The following SLC25A25 variants were observed in gnomAD, a reference collection of about 807,000 sequenced individuals.
The protein encoded by SLC25A25 is mitochondrial adenyl nucleotide antiporter SLC25A25.
SLC25A25 carries 32 observed loss-of-function variants against 57.7 expected under a neutral mutation model. The observed-to-expected ratio is 0.55, with a 90% CI of 0.42 to 0.74. The LOEUF (loss-of-function observed/expected upper bound fraction) is 0.74. Ranked by LOEUF, SLC25A25 falls within the 30% of genes least tolerant of loss-of-function variation. The pLI is 0.00. For synonymous variants in SLC25A25, 306 were observed against 291.2 expected, an observed-to-expected ratio of 1.05 and a Z score of -0.52; for missense variants, 556 against 701.3, an observed-to-expected ratio of 0.79 and a Z score of 2.34.
chr9:128,079,386 A>G (rs1482190043), intron 1 of SLC25A25, among the ~76,000 whole-genome samples: 3 of 146,348 alleles, frequency 2.0e-5, no homozygotes, highest in Admixed American at 7.0e-5. Context: ...CTCAAAAACC[A>G]TTGATTGAAA....
intron 1 of SLC25A25, among the ~76,000 whole-genome samples, chr9:128,096,633 G>T (rs956568032): frequency 2.6e-5 from 4 of 152,220 alleles, no homozygotes; most frequent in African/African-American, 9.7e-5. Context: ...GTTTCTTGGG[G>T]TCTTAGAGCC....
chr9:128,080,724 C>T (rs377020322), intron 1 of SLC25A25, among the ~76,000 whole-genome samples: 1 of 152,158 alleles, frequency 6.6e-6, no homozygotes, highest in African/African-American at 2.4e-5. Flanking sequence ...CACCCCCAGC[C>T]ATTGTTGGCC....
chr9:128,099,272 C>T lies in SLC25A25; in HGVS notation c.262-1824C>T, dbSNP rs1833688965. 1 of 1,288,930 alleles carries T rather than the reference C, an allele frequency of 7.8e-7. No individual in the cohort carries two copies. Among genetic ancestry groups the T allele is most frequent in the South Asian group, 1.2e-5 (1 of 81,012 alleles). 79.8% of individuals were successfully genotyped at this position (1,288,930 alleles called of 1,614,324 possible). On this transcript the variant is annotated intron_variant, in intron 1 of 10. Coordinates refer to ENST00000373069, the MANE Select transcript of SLC25A25 (RefSeq NM_001330988.2). This position sits in a 1 kb window ranked among gnomAD's most constrained non-coding sequence, Gnocchi z 6.8. ...GGTTAATCAGTTTCCCTGCTACCCC[C>T]AGTGCCCACTGTGCACCAAGGGGGA...
intron 1 of SLC25A25, among the ~76,000 whole-genome samples, chr9:128,075,093 C>T (rs774024387): frequency 6.6e-6 from 1 of 152,162 alleles, no homozygotes; most frequent in Non-Finnish European, 1.5e-5. Context: ...GCCAAGATCA[C>T]GCCACTGCAC....
intron 8 of SLC25A25, 27 bp downstream of exon 8, chr9:128,106,284 G>A (rs564686508): frequency 1.0e-5 from 16 of 1,603,954 alleles, no homozygotes; most frequent in Middle Eastern, 1.7e-4. Flanking sequence ...GTCCTGGGGC[G>A]GGCAGTGGGC....
intron 1 of SLC25A25, among the ~76,000 whole-genome samples, chr9:128,072,253 G>C (rs1025370751): frequency 2.0e-5 from 3 of 152,182 alleles, no homozygotes; most frequent in Admixed American, 2.0e-4. Context: ...AGTATTAACT[G>C]CCTACAGAAA....
Position 128,103,297 on chromosome 9 carries a change from G to A in SLC25A25, c.625-384G>A, listed in dbSNP as rs750488996. Among the ~76,000 whole-genome samples, 5 of 152,342 alleles carry A rather than the reference G, an allele frequency of 3.3e-5. No individual in the cohort carries two copies. Among genetic ancestry groups the A allele is most frequent in the Non-Finnish European group, 4.4e-5 (3 of 68,038 alleles). Reference sequence around the variant, plus strand: ...TTCTGCCAGCGTGATCTGGTTACACGTGAGATCTCAGACGGCTCTCACCCC... The same window carrying A: ...TTCTGCCAGCGTGATCTGGTTACACATGAGATCTCAGACGGCTCTCACCCC... On this transcript the variant is annotated intron_variant, in intron 5 of 10. Transcript: ENST00000373069. This position sits in a 1 kb window ranked among gnomAD's most constrained non-coding sequence, Gnocchi z 6.7.
chr9:128,100,213 G>A (rs1302469390), intron 1 of SLC25A25, among the ~76,000 whole-genome samples: 1 of 152,136 alleles, frequency 6.6e-6, no homozygotes, highest in Non-Finnish European at 1.5e-5. Context: ...TAAGTGGGTT[G>A]CTAGAAGTAA....
At chr9:128,096,283 C>T (rs1421530921) in intron 1 of SLC25A25, among the ~76,000 whole-genome samples, 1 of 152,142 alleles carries the variant, frequency 6.6e-6, no homozygotes, top group Non-Finnish European at 1.5e-5. Context: ...CCAAGGCAGG[C>T]AGATCACTTG....
chr9:128,083,626 C>G lies in SLC25A25; in HGVS notation c.261+15046C>G, dbSNP rs563656696. ...CCGGGCTTACGCCATTCTCCTGCCT[C>G]AGCATCCCGAGTAGCTGGGACTACA... On this transcript the variant is annotated intron_variant, in intron 1 of 10. Transcript: ENST00000373069. Among the ~76,000 whole-genome samples, 3 of 150,132 alleles carry G rather than the reference C, an allele frequency of 2.0e-5. No homozygotes were observed. In the East Asian group the frequency reaches 5.9e-4, roughly 29 times the overall value.
chr9:128,079,603 CAAAAAAAAAAA>C (rs531439672), intron 1 of SLC25A25, among the ~76,000 whole-genome samples: 15 of 48,058 alleles, frequency 3.1e-4, no homozygotes, highest in African/African-American at 6.5e-4. Flanking sequence ...ACTAAAAATA[CAAAAAAAAAAA>C]AAAAAAAAAA....
intron 6 of SLC25A25, among the ~76,000 whole-genome samples, chr9:128,105,209 C>T (rs1266700680): frequency 2.3e-5 from 3 of 131,264 alleles, no homozygotes; most frequent in Non-Finnish European, 4.7e-5. Flanking sequence ...CTCGCTCTGT[C>T]GCCCAGGCTG....
intron 1 of SLC25A25, among the ~76,000 whole-genome samples, chr9:128,069,267 G>A (rs1319507111): frequency 3.3e-5 from 5 of 152,206 alleles, no homozygotes; most frequent in African/African-American, 1.2e-4. Flanking sequence ...TGGGCATAGG[G>A]GCGCAGAGAA....
chr9:128,083,761 G>A (rs897503512), intron 1 of SLC25A25, among the ~76,000 whole-genome samples: 3 of 150,430 alleles, frequency 2.0e-5, no homozygotes, highest in African/African-American at 4.9e-5. Context: ...CTTATGATCC[G>A]CCCGCCTCGG....
chr9:128,104,797 G>GT (rs1833946161), intron 6 of SLC25A25, among the ~76,000 whole-genome samples: 1 of 150,410 alleles, frequency 6.6e-6, no homozygotes, highest in Non-Finnish European at 1.5e-5. Flanking sequence ...TATGTCTTAA[G>GT]TTTTTTTAAT....
At chr9:128,076,444 ATTTTTAT>A (rs1833013457) in intron 1 of SLC25A25, among the ~76,000 whole-genome samples, 1 of 96,740 alleles carries the variant, frequency 1.0e-5, no homozygotes, top group Non-Finnish European at 2.1e-5. Context: ...CTTTTTTTTT[ATTTTTAT>A]TTTTATTTTT....
rs1029713187 is a variant in SLC25A25 at position 128,102,923 on chromosome 9, C to T, written c.624+442C>T. Among the ~76,000 whole-genome samples the T allele has an allele frequency of 5.3e-5, 8 of 152,220 alleles. No homozygotes were observed. Among genetic ancestry groups the T allele is most frequent in the Non-Finnish European group, 1.2e-4 (8 of 68,036 alleles). On this transcript the variant is annotated intron_variant, in intron 5 of 10. Coordinates refer to ENST00000373069, the MANE Select transcript of SLC25A25 (RefSeq NM_001330988.2). The surrounding 1 kb of genome is among the most constrained non-coding windows in gnomAD (Gnocchi z 4.1). ...CACACATTTGCTGCCCTCTCGCCCC[C>T]GTCCACTGTGGTTTCATGTTCAGAA...
chr9:128,074,429 C>A (rs1013553557), intron 1 of SLC25A25, among the ~76,000 whole-genome samples: 3 of 151,860 alleles, frequency 2.0e-5, no homozygotes, highest in African/African-American at 4.8e-5. Context: ...AAGAATAGGG[C>A]TGGGTGTGGT....
At chr9:128,098,692 C>G (rs963326366) in intron 1 of SLC25A25, 13 of 1,614,146 alleles carry the variant, frequency 8.1e-6, no homozygotes, top group Non-Finnish European at 1.1e-5. Context: ...TCATCCCCTC[C>G]CAGGAATTCT....
Sources: gnomAD v4.1 joint callset for allele counts (sites outside exome capture counted in the v4.1 genomes callset) on GRCh38, gnomAD v4.1.1 for gene constraint, Gnocchi (gnomAD v3.1) non-coding constraint, MANE v1.5 for transcripts, NCBI Gene and HGNC (gene_info 2026-07-23, HGNC 2026-07-21) for gene names.